ARFGEF1: variants seen among roughly 807,000 people sequenced by gnomAD.
ARFGEF1 encodes brefeldin A-inhibited guanine nucleotide-exchange protein 1.
In ARFGEF1, 42 loss-of-function variants were observed where a neutral mutation model predicts 231.0. The observed-to-expected ratio is 0.18, with a 90% CI of 0.14 to 0.24. The LOEUF (loss-of-function observed/expected upper bound fraction) is 0.24. Among genes scored for constraint, ARFGEF1 ranks in the 10% least tolerant of loss-of-function variants. The pLI is 1.00. For missense variants in ARFGEF1, 1,345 were observed against 2,192.0 expected (o/e 0.61, Z 7.72); for synonymous variants, 710 against 732.3 (o/e 0.97, Z 0.49).
intron 1 of ARFGEF1, among the ~76,000 whole-genome samples, chr8:67,319,946 C>T (rs940075944): frequency 7.9e-5 from 12 of 151,994 alleles, no homozygotes; most frequent in Non-Finnish European, 1.8e-4. Context: ...TCAGACCGGG[C>T]ACAGTGGCTC....
chr8:67,275,932 G>A (rs1392321263), intron 9 of ARFGEF1, 44 bp downstream of exon 9: 1 of 1,607,164 alleles, frequency 6.2e-7, no homozygotes, highest in African/African-American at 1.3e-5. Flanking sequence ...TAAGTTTCAA[G>A]CCTAAAAACC....
At chr8:67,279,212 C>T (rs950773170) in intron 7 of ARFGEF1, among the ~76,000 whole-genome samples, 2 of 152,164 alleles carry the variant, frequency 1.3e-5, no homozygotes, top group Non-Finnish European at 2.9e-5. Flanking sequence ...CCCCAGAGTA[C>T]TTATTCCAAA....
chr8:67,337,649 C>G (rs1406286663), intron 1 of ARFGEF1, among the ~76,000 whole-genome samples: 2 of 151,772 alleles, frequency 1.3e-5, no homozygotes, highest in East Asian at 3.9e-4. Context: ...CTTGCTATTT[C>G]CTGTTTCTAT....
intron 1 of ARFGEF1, among the ~76,000 whole-genome samples, chr8:67,337,249 T>C (rs1808392922): frequency 6.6e-6 from 1 of 151,190 alleles, no homozygotes; most frequent in East Asian, 1.9e-4. Context: ...CTAAAATACA[T>C]ATAAAAGGCA....
At chr8:67,173,564 A>G (rs887983533), downstream of ARFGEF1, 1 of 152,178 alleles carries the variant, frequency 6.6e-6, no homozygotes, top group East Asian at 1.9e-4. Flanking sequence ...ATACAGAAAG[A>G]TAGTAAGAAG....
chr8:67,271,678 A>G (rs1171903523), intron 10 of ARFGEF1, 24 bp downstream of exon 10: 3 of 1,494,006 alleles, frequency 2.0e-6, no homozygotes, highest in South Asian at 2.3e-5. Flanking sequence ...CAATAGTAAC[A>G]TTATGCCTAA....
At chr8:67,277,242 T>C (rs370925924) in intron 8 of ARFGEF1, 40 bp downstream of exon 8, 2 of 1,595,006 alleles carry the variant, frequency 1.3e-6, no homozygotes, top group African/African-American at 1.3e-5. Flanking sequence ...ATTTGTAAGA[T>C]TAACAGGATT....
At chr8:67,218,932 A>T (rs1839051320) in intron 30 of ARFGEF1, among the ~76,000 whole-genome samples, 2 of 152,202 alleles carry the variant, frequency 1.3e-5, no homozygotes, top group African/African-American at 4.8e-5. Context: ...AAACAGAACA[A>T]AAAAATCAAT....
In ARFGEF1 at chr8:67,296,539, T is replaced by C. The variant is rs1193991177; in HGVS notation, c.531A>G (p.Thr177=). The C allele has an allele frequency of 1.2e-6, 2 of 1,614,040 alleles. No individual in the cohort carries two copies. The highest frequency in any genetic ancestry group is 8.5e-7 in the Non-Finnish European group (1 of 1,179,964). ...HEGTVLQAVR[T]CYNIYLASKN... is the part of the protein sequence containing the mutation. ...TGCTTGCTAAGTAGATATTGTAACATGTTCTCACAGCTTGCAGTACAGTCC... is the reference window on the plus strand; with the variant it reads ...TGCTTGCTAAGTAGATATTGTAACACGTTCTCACAGCTTGCAGTACAGTCC... The change falls in exon 5 of 39, where the codon ACA becomes ACG. Residue 177 remains threonine (T), a synonymous_variant. Coordinates refer to ENST00000262215, the MANE Select transcript of ARFGEF1 (RefSeq NM_006421.5).
intron 1 of ARFGEF1, among the ~76,000 whole-genome samples, chr8:67,342,536 T>TC (rs1808688553): frequency 1.3e-5 from 2 of 151,570 alleles, no homozygotes; most frequent in African/African-American, 4.9e-5. Flanking sequence ...ACCCCCACCC[T>TC]CACCCCTTAA....
chr8:67,294,139 A>C (rs1806129112), intron 5 of ARFGEF1, among the ~76,000 whole-genome samples: 1 of 152,138 alleles, frequency 6.6e-6, no homozygotes, highest in Admixed American at 6.6e-5. Flanking sequence ...TAGGTATTAT[A>C]AGTAATGTAG....
intron 28 of ARFGEF1, 69 bp downstream of exon 28, chr8:67,225,954 C>A: frequency 7.0e-7 from 1 of 1,438,564 alleles, no homozygotes; most frequent in Non-Finnish European, 9.3e-7. Flanking sequence ...CCTCAATTCC[C>A]AAACAAACTT....
At chr8:67,335,428 T>A (rs2128936141) in intron 1 of ARFGEF1, among the ~76,000 whole-genome samples, 1 of 152,180 alleles carries the variant, frequency 6.6e-6, no homozygotes, top group South Asian at 2.1e-4. Context: ...AATTTTATTG[T>A]TGTAGTTACA....
chr8:67,248,925 G>T (rs1563863505), intron 19 of ARFGEF1, among the ~76,000 whole-genome samples: 1 of 150,298 alleles, frequency 6.7e-6, no homozygotes, highest in Non-Finnish European at 1.5e-5. Context: ...GACTATAAGT[G>T]ACACTGTATC....
chr8:67,302,461 T>C lies in ARFGEF1; in HGVS notation c.130A>G (p.Ile44Val). Residue 44 changes from isoleucine to valine, a missense_variant, in exon 2 of 39, where the codon ATA becomes GTA. Around this residue, in one of 14 missense-constraint regions of ARFGEF1, gnomAD observed 398 missense variants for 463.2 expected, o/e 0.86. Coordinates refer to ENST00000262215, the MANE Select transcript of ARFGEF1 (RefSeq NM_006421.5). ...RKACEVALEE[I>V]KAETEKQSPP... ...CTCTGTTTTTCAGTTTCCGCTTTTA[T>C]TTCCTCTGAGGGGAAAAAAAAAGAA... The C allele has an allele frequency of 6.4e-7, 1 of 1,571,090 alleles. No homozygotes were observed. The highest frequency in any genetic ancestry group is 1.2e-5 in the South Asian group (1 of 82,284).
intron 1 of ARFGEF1, among the ~76,000 whole-genome samples, chr8:67,310,824 C>G (rs1184729488): frequency 6.6e-6 from 1 of 150,578 alleles, no homozygotes; most frequent in Admixed American, 6.6e-5. Context: ...TGCCTGGCAA[C>G]CACCCCGTCT....
rs535121644 is a variant in ARFGEF1, at chr8:67,311,629, C to G, written c.125-9163G>C. ...GAGGGAGGTGGGGGGGTCAGCCCCC[C>G]CGCCCAGCCAGCCGCCCCGTCCGGG... On this transcript the variant is annotated intron_variant, in intron 1 of 38. Coordinates refer to ENST00000262215, the MANE Select transcript of ARFGEF1 (RefSeq NM_006421.5). Among the ~76,000 whole-genome samples the G allele has an allele frequency of 4.7e-4, 71 of 150,786 alleles. No individual in the cohort carries two copies. The East Asian group carries it at 0.011, about 24-fold the overall frequency.
chr8:67,321,382 G>T (rs768151786), intron 1 of ARFGEF1, among the ~76,000 whole-genome samples: 1 of 152,194 alleles, frequency 6.6e-6, no homozygotes, highest in African/African-American at 2.4e-5. Context: ...GACGTAGTTG[G>T]TTGTATTTTT....
intron 7 of ARFGEF1, among the ~76,000 whole-genome samples, chr8:67,282,992 G>T (rs1179233924): frequency 6.6e-6 from 1 of 151,504 alleles, no homozygotes; most frequent in East Asian, 1.9e-4. Flanking sequence ...AAGAACAAAA[G>T]AAAGAAAAGG....
Sources: allele counts gnomAD v4.1 joint callset (sites outside exome capture counted in the v4.1 genomes callset), GRCh38; gene constraint gnomAD v4.1.1; regional missense constraint gnomAD v4.1.1; transcripts MANE v1.5; gene names NCBI Gene and HGNC (gene_info 2026-07-23, HGNC 2026-07-21).